TGM6: variants seen among roughly 807,000 people sequenced by gnomAD.
TGM6 encodes transglutaminase 6, also known as protein-glutamine gamma-glutamyltransferase 6.
In TGM6, 74 loss-of-function variants were observed where a neutral mutation model predicts 77.5. That is an observed-to-expected ratio of 0.96 (90% CI 0.79 to 1.16). The LOEUF (loss-of-function observed/expected upper bound fraction) is 1.16, where lower values mean the gene tolerates loss of function less well. TGM6 is among the 50% of genes most tolerant of loss of function. TGM6 has a pLI of 0.00. For synonymous variants in TGM6, 383 were observed against 378.9 expected (o/e 1.01, Z -0.12); for missense variants, 968 against 940.2 (o/e 1.03, Z -0.39).
At chr20:2,425,391 A>G (rs1403251801) in intron 10 of TGM6, among the ~76,000 whole-genome samples, 3 of 152,042 alleles carry the variant, frequency 2.0e-5, no homozygotes, top group Non-Finnish European at 4.4e-5. Flanking sequence ...AAGCAAACAC[A>G]TGCTCTTGGA....
chr20:2,399,140 GAA>G (rs760119280), intron 5 of TGM6, among the ~76,000 whole-genome samples: 25 of 61,126 alleles, frequency 4.1e-4, no homozygotes, highest in African/African-American at 1.4e-3. Flanking sequence ...TTTTGCATCT[GAA>G]AAAAAAAAAA....
intron 1 of TGM6, among the ~76,000 whole-genome samples, chr20:2,383,963 C>T (rs752861345): frequency 6.6e-6 from 1 of 151,884 alleles, no homozygotes; most frequent in Non-Finnish European, 1.5e-5. Flanking sequence ...GAAAATTAGC[C>T]GGGCATGGTG....
Position 2,396,582 on chromosome 20 carries a change from C to T in TGM6, c.501C>T (p.Gly167=), listed in dbSNP as rs774880823. The change falls in exon 4 of 13, where the codon GGC becomes GGT. Residue 167 remains glycine, a synonymous_variant. Coordinates refer to ENST00000202625, the MANE Select transcript of TGM6 (RefSeq NM_198994.3). ...VLSDSGIIFR[G]VEKHIRAQGW... ...GCGACAGCGGCATCATCTTCCGAGG[C>T]GTGGAGAAGCACATACGAGCCCAGG... 2.4e-5 allele frequency: 38 copies of T among 1,614,040 alleles called. No individual in the cohort carries two copies. Among genetic ancestry groups the T allele is most frequent in the Non-Finnish European group, 2.6e-5 (31 of 1,180,038 alleles).
intron 9 of TGM6, among the ~76,000 whole-genome samples, chr20:2,404,117 C>T (rs1291536199): frequency 6.6e-6 from 1 of 152,250 alleles, no homozygotes; most frequent in Non-Finnish European, 1.5e-5. Context: ...GGTATGTTCA[C>T]ATACAATAAT....
chr20:2,397,975 C>A lies in TGM6; in HGVS notation c.601C>A (p.Gln201Lys), dbSNP rs1292214873. Residue 201 changes from glutamine to lysine, a missense_variant, in exon 5 of 13, where the codon CAA becomes AAA. Coordinates refer to ENST00000202625, the MANE Select transcript of TGM6 (RefSeq NM_198994.3). The stretch of plus-strand genomic sequence containing the variant: ...CATCCTGGATCGAAGCCCCGGTCAC[C>A]AAAACAACCCAGCCACCGACGTGTC... ...LSILDRSPGH[Q>K]NNPATDVSCR... 1 of 1,614,092 alleles carries A rather than the reference C, an allele frequency of 6.2e-7. No homozygotes were observed. The highest frequency in any genetic ancestry group is 8.5e-7 in the Non-Finnish European group (1 of 1,180,026).
intron 1 of TGM6, among the ~76,000 whole-genome samples, chr20:2,385,576 A>G (rs1394749543): frequency 3.9e-5 from 6 of 152,140 alleles, no homozygotes; most frequent in Non-Finnish European, 7.4e-5. Flanking sequence ...CAGAGGCCTC[A>G]CACACCCTCC....
In TGM6 at chr20:2,432,631, C is replaced by T. The variant is rs754897031; in HGVS notation, c.2109C>T (p.Ala703=). 97 of 1,614,004 alleles carry T rather than the reference C, an allele frequency of 6.0e-5. No individual in the cohort carries two copies. The highest frequency in any genetic ancestry group is 8.0e-5 in the Non-Finnish European group (94 of 1,180,026). Residue 703 remains alanine, a synonymous_variant, in exon 13 of 13, where the codon GCC becomes GCT. Coordinates refer to ENST00000202625, the MANE Select transcript of TGM6 (RefSeq NM_198994.3). The part of the protein sequence containing the change: ...DIKGFVIVHV[A]TAK ...AGGGCTTTGTGATCGTCCATGTGGC[C>T]ACTGCCAAGTGATGGATCATGAGGG...
chr20:2,403,272 G>A (rs2084723642), intron 7 of TGM6, 125 bp from the exon 8 acceptor site: 1 of 939,942 alleles, frequency 1.1e-6, no homozygotes, highest in South Asian at 1.4e-5. Flanking sequence ...GGTTGAATGA[G>A]TGATTCACAA....
At chr20:2,384,200 C>A (rs1399816998) in intron 1 of TGM6, among the ~76,000 whole-genome samples, 1 of 152,002 alleles carries the variant, frequency 6.6e-6, no homozygotes, top group Non-Finnish European at 1.5e-5. Context: ...AGACGTTGAT[C>A]CTGGTGGAAG....
At chr20:2,396,702 C>A in intron 4 of TGM6, 78 bp downstream of exon 4, 1 of 1,318,906 alleles carries the variant, frequency 7.6e-7, no homozygotes, top group African/African-American at 1.4e-5. Context: ...CCTCTGTCTG[C>A]TCACTCTTCT....
At position 2,403,820 on chromosome 20, in the gene TGM6, G is replaced by T; in HGVS notation, c.1333G>T (p.Glu445Ter). 1 of 1,614,094 alleles carries T rather than the reference G, an allele frequency of 6.2e-7. No individual in the cohort carries two copies. The highest frequency in any genetic ancestry group is 8.5e-7 in the Non-Finnish European group (1 of 1,180,032). The change falls in exon 9 of 13, where the codon GAA (glutamate) becomes TAA (stop). Residue 445 changes from glutamate to a stop codon, truncating the protein, a stop_gained. Coordinates refer to ENST00000202625, the MANE Select transcript of TGM6 (RefSeq NM_198994.3). LOFTEE classifies it high-confidence loss of function. ...CATCACTGACCTCTACAAGTATCCG[G>T]AAGGTAAGGGCCACATGGCGGCCTT... ...VDITDLYKYP[E>*]GSRKERQVYS...
chr20:2,431,125 T>C, intron 12 of TGM6, 98 bp downstream of exon 12: 1 of 1,524,224 alleles, frequency 6.6e-7, no homozygotes, highest in South Asian at 1.2e-5. Flanking sequence ...AGAGAGATTC[T>C]GGACACCCCA....
At chr20:2,393,700 A>G (rs573175642) in intron 1 of TGM6, among the ~76,000 whole-genome samples, 1 of 151,704 alleles carries the variant, frequency 6.6e-6, no homozygotes, top group Non-Finnish European at 1.5e-5. Context: ...CATTTTTTGT[A>G]TTATAGTAGA....
At chr20:2,403,129 A>G (rs2084722572) in intron 7 of TGM6, among the ~76,000 whole-genome samples, 1 of 152,236 alleles carries the variant, frequency 6.6e-6, no homozygotes, top group Non-Finnish European at 1.5e-5. Context: ...TGTAAGCAGC[A>G]TGAGAGTAAA....
rs1043574289 is a variant in TGM6, at chr20:2,394,640, C to T, written c.181+15C>T. On this transcript the variant is annotated intron_variant, in intron 2 of 12. Coordinates refer to ENST00000202625, the MANE Select transcript of TGM6 (RefSeq NM_198994.3). ...GATGGAGACAGGTAACTGGGCTTGC[C>T]AGCACCCTCTTCTCGTCTGCAGCTG... 22 of 1,602,408 alleles carry T rather than the reference C, an allele frequency of 1.4e-5. No homozygotes were observed. The highest frequency in any genetic ancestry group is 1.8e-5 in the Non-Finnish European group (21 of 1,175,374).
chr20:2,397,985 C>T lies in TGM6; in HGVS notation c.611C>T (p.Pro204Leu). The T allele has an allele frequency of 1.2e-6, 2 of 1,614,130 alleles. No homozygotes were observed. Among genetic ancestry groups the T allele is most frequent in the African/African-American group, 2.7e-5 (2 of 75,008 alleles). The change falls in exon 5 of 13, where the codon CCA becomes CTA. Residue 204 changes from proline to leucine, a missense_variant. Coordinates refer to ENST00000202625, the MANE Select transcript of TGM6 (RefSeq NM_198994.3). ...CGAAGCCCCGGTCACCAAAACAACC[C>T]AGCCACCGACGTGTCCTGCCGCCAC... ...LDRSPGHQNN[P>L]ATDVSCRHNP... is the part of the protein sequence containing the mutation.
chr20:2,383,332 G>A (rs2084568549), intron 1 of TGM6, among the ~76,000 whole-genome samples: 1 of 152,194 alleles, frequency 6.6e-6, no homozygotes, highest in Non-Finnish European at 1.5e-5. Flanking sequence ...TATCACCCAA[G>A]GGCAGGAGGA....
intron 8 of TGM6, 34 bp from the exon 9 acceptor site, chr20:2,403,547 A>G: frequency 6.2e-7 from 1 of 1,613,820 alleles, no homozygotes; most frequent in Non-Finnish European, 8.5e-7. Context: ...GCTTTTCCTT[A>G]CCCATGCTGC....
At chr20:2,422,494 G>A (rs552345926) in intron 10 of TGM6, among the ~76,000 whole-genome samples, 1 of 152,230 alleles carries the variant, frequency 6.6e-6, no homozygotes, top group African/African-American at 2.4e-5. Flanking sequence ...TTGCAATAAA[G>A]CAAGTCACAC....
Sources: gnomAD v4.1 joint callset for allele counts (sites outside exome capture counted in the v4.1 genomes callset) on GRCh38, gnomAD v4.1.1 for gene constraint, MANE v1.5 for transcripts, NCBI Gene and HGNC (gene_info 2026-07-23, HGNC 2026-07-21) for gene names.